OSBPL10: variants seen among roughly 807,000 people sequenced by gnomAD.
OSBPL10 encodes oxysterol-binding protein-related protein 10.
Under a neutral mutation model 81.7 loss-of-function variants are expected in OSBPL10, and 49 were observed. That is an observed-to-expected ratio of 0.60 (90% CI 0.48 to 0.76). OSBPL10 has a LOEUF of 0.76. Ranked by LOEUF, OSBPL10 falls within the 30% of genes least tolerant of loss-of-function variation. The pLI is 0.00. For synonymous variants in OSBPL10, 419 were observed against 383.6 expected (o/e 1.09, Z -1.08); for missense variants, 923 against 987.8 (o/e 0.93, Z 0.88).
intron 10 of OSBPL10, among the ~76,000 whole-genome samples, chr3:31,666,569 G>C (rs1700195360): frequency 6.6e-6 from 1 of 152,170 alleles, no homozygotes; most frequent in South Asian, 2.1e-4. Flanking sequence ...CACTCCTCAA[G>C]GCCGTTTCCT....
At chr3:31,924,986 CA>C (rs1461852394) in intron 1 of OSBPL10, among the ~76,000 whole-genome samples, 1 of 152,096 alleles carries the variant, frequency 6.6e-6, no homozygotes, top group Non-Finnish European at 1.5e-5. Flanking sequence ...AAGTCAAGAA[CA>C]AAGTGAAAAT....
chr3:31,915,349 A>G (rs532091961), intron 1 of OSBPL10, among the ~76,000 whole-genome samples: 8 of 152,218 alleles, frequency 5.3e-5, no homozygotes, highest in Non-Finnish European at 1.0e-4. Context: ...TAGCAAAGAC[A>G]TGGAATCAAC....
At chr3:31,752,103 G>A (rs1697741939) in intron 4 of OSBPL10, among the ~76,000 whole-genome samples, 1 of 152,068 alleles carries the variant, frequency 6.6e-6, no homozygotes, top group Admixed American at 6.6e-5. Flanking sequence ...TCTTAAAGAG[G>A]GTTCCTTCTC....
chr3:31,766,237 T>G (rs995099487), intron 4 of OSBPL10, among the ~76,000 whole-genome samples: 2 of 151,960 alleles, frequency 1.3e-5, no homozygotes, highest in Non-Finnish European at 2.9e-5. Context: ...AGTGGCCATG[T>G]GACACACCAT....
intron 5 of OSBPL10, among the ~76,000 whole-genome samples, chr3:31,743,110 A>C (rs1306543364): frequency 1.5e-5 from 2 of 133,718 alleles, no homozygotes; most frequent in Admixed American, 9.2e-5. Flanking sequence ...GTGCGATCTC[A>C]GCTCACTGCA....
chr3:31,989,059 A>G, intron 2 of OSBPL10: 1 of 1,613,706 alleles, frequency 6.2e-7, no homozygotes, highest in East Asian at 2.2e-5. Flanking sequence ...ACACTGCAGC[A>G]CTATTGATTT....
rs1699787494 is a variant in OSBPL10, at chr3:32,067,310, T to G, written n.185+10086A>C. On this transcript the variant is annotated intron_variant and non_coding_transcript_variant, in intron 1 of 3. Coordinates refer to the OSBPL10 transcript ENST00000479173. ...AGTGGGACCCTTGGGAAGGGACCCC[T>G]TCTGTGGAACCCAGAGCCACTGCCA... Among the ~76,000 whole-genome samples, 3 of 152,162 alleles carry G rather than the reference T, an allele frequency of 2.0e-5. No homozygotes were observed. The South Asian group carries it at 6.2e-4, about 32-fold the overall frequency.
chr3:31,957,827 G>A (rs78447475), intron 1 of OSBPL10, among the ~76,000 whole-genome samples: 1 of 152,094 alleles, frequency 6.6e-6, no homozygotes. Context: ...TTTTAGTAGA[G>A]GGGGGGTTTC....
intron 3 of OSBPL10, 61 bp downstream of exon 3, chr3:31,876,372 A>G: frequency 2.1e-6 from 3 of 1,408,884 alleles, no homozygotes; most frequent in South Asian, 2.3e-5. Flanking sequence ...AGAAACAAAT[A>G]ATGGGGCTGA....
chr3:31,872,452 GT>G (rs5847722), intron 3 of OSBPL10, among the ~76,000 whole-genome samples: 26,836 of 136,812 alleles, frequency 0.2, 3,505 homozygotes, highest in African/African-American at 0.38. Context: ...TTTTGTTGTT[GT>G]TTTTTTTTTT....
At chr3:31,832,696 C>G (rs1412823159) in intron 3 of OSBPL10, among the ~76,000 whole-genome samples, 2 of 152,132 alleles carry the variant, frequency 1.3e-5, no homozygotes, top group African/African-American at 4.8e-5. Context: ...GGCAATACAG[C>G]CAGAAAATGT....
At chr3:31,974,723 G>A (rs925102221) in intron 1 of OSBPL10, among the ~76,000 whole-genome samples, 24 of 152,162 alleles carry the variant, frequency 1.6e-4, no homozygotes, top group Non-Finnish European at 3.1e-4. Flanking sequence ...TACCGTATGC[G>A]GGGAGATACT....
At chr3:31,770,230 C>T (rs1233451675) in intron 4 of OSBPL10, among the ~76,000 whole-genome samples, 4 of 152,140 alleles carry the variant, frequency 2.6e-5, no homozygotes, top group African/African-American at 9.7e-5. Context: ...TTTTAAAATG[C>T]CTATTTTTCC....
chr3:31,823,333 A>C (rs866027231), intron 4 of OSBPL10, among the ~76,000 whole-genome samples: 1 of 152,228 alleles, frequency 6.6e-6, no homozygotes, highest in African/African-American at 2.4e-5. Flanking sequence ...GCAAGGGCTG[A>C]AAGATGCAAA....
intron 3 of OSBPL10, among the ~76,000 whole-genome samples, chr3:31,863,664 T>C (rs12636644): frequency 0.14 from 20,635 of 152,200 alleles, 2,134 homozygotes; most frequent in Admixed American, 0.36. Context: ...TTACTATTAT[T>C]TCCTTTTCCC....
At chr3:31,918,987 G>T (rs1696833858) in intron 1 of OSBPL10, among the ~76,000 whole-genome samples, 1 of 152,132 alleles carries the variant, frequency 6.6e-6, no homozygotes, top group South Asian at 2.1e-4. Flanking sequence ...TCACAGCCTG[G>T]ATCTCACCTG....
At chr3:31,853,668 TCA>T (rs958058273) in intron 3 of OSBPL10, among the ~76,000 whole-genome samples, 2 of 152,218 alleles carry the variant, frequency 1.3e-5, no homozygotes, top group African/African-American at 2.4e-5. Context: ...TTATTATTAT[TCA>T]CACAGTTTTT....
At chr3:31,969,045 C>CA (rs1698482617) in intron 1 of OSBPL10, among the ~76,000 whole-genome samples, 1 of 152,132 alleles carries the variant, frequency 6.6e-6, no homozygotes, top group South Asian at 2.1e-4. Context: ...AGTACACACA[C>CA]AAAAAAGTTC....
chr3:31,664,950 G>A (rs1490255490), intron 10 of OSBPL10, among the ~76,000 whole-genome samples: 1 of 152,118 alleles, frequency 6.6e-6, no homozygotes, highest in African/African-American at 2.4e-5. Flanking sequence ...CTGCTCTTTG[G>A]ACACTCAGAT....
Sources: gnomAD v4.1 joint callset for allele counts (sites outside exome capture counted in the v4.1 genomes callset) on GRCh38, gnomAD v4.1.1 for gene constraint, MANE v1.5 for transcripts, NCBI Gene and HGNC (gene_info 2026-07-23, HGNC 2026-07-21) for gene names.